FYB1: variants seen among roughly 807,000 people sequenced by gnomAD.
FYB1 encodes the protein FYN-binding protein 1.
Under a neutral mutation model 94.1 loss-of-function variants are expected in FYB1, and 41 were observed. The ratio of observed to expected loss-of-function variants is 0.44; its 90% confidence interval spans 0.34 to 0.57. The LOEUF is 0.57. Ranked by LOEUF, FYB1 falls within the 20% of genes least tolerant of loss-of-function variation. The pLI is 0.02. For missense variants in FYB1, 1,050 were observed against 976.8 expected (o/e 1.07, Z -1.00); for synonymous variants, 367 against 353.2 (o/e 1.04, Z -0.44).
chr5:39,250,876 G>C (rs1246132951), intron 1 of FYB1: 1 of 152,118 alleles, frequency 6.6e-6, no homozygotes, highest in Non-Finnish European at 1.5e-5. Context: ...CTTAAGCTGA[G>C]ATTTTATGCA....
chr5:39,174,645 G>A (rs1745552519), intron 2 of FYB1, among the ~76,000 whole-genome samples: 1 of 152,130 alleles, frequency 6.6e-6, no homozygotes, highest in African/African-American at 2.4e-5. Context: ...TTAAAAACAT[G>A]AGCTCCCGGA....
At chr5:39,253,130 A>G (rs1004597376) in intron 1 of FYB1, among the ~76,000 whole-genome samples, 1 of 152,216 alleles carries the variant, frequency 6.6e-6, no homozygotes, top group Non-Finnish European at 1.5e-5. Context: ...TATCTAGTCT[A>G]TTAAGCTAAT....
At chr5:39,263,738 A>G (rs1318125316) in intron 1 of FYB1, among the ~76,000 whole-genome samples, 1 of 152,152 alleles carries the variant, frequency 6.6e-6, no homozygotes, top group African/African-American at 2.4e-5. Flanking sequence ...CTTACTTTCT[A>G]ACTTGGATGT....
In FYB1 at chr5:39,267,909, T is replaced by TATATCA. The variant is rs1752499546; in HGVS notation, c.-28+6488_-28+6493dup. On this transcript the variant is annotated intron_variant, in intron 1 of 1. Transcript: ENST00000510188. ...AAAAAATGCTTGTGACAGTCTTGTCTATATCACCATAAGGAAAGAAAAAGA... is the reference window on the plus strand; with the variant it reads ...AAAAAATGCTTGTGACAGTCTTGTCTATATCAATATCACCATAAGGAAAGAAAAAGA... Among the ~76,000 whole-genome samples, 3 of 152,224 alleles carry TATATCA rather than the reference T, an allele frequency of 2.0e-5. No homozygotes were observed. In the South Asian group the frequency reaches 6.2e-4, roughly 32 times the overall value.
intron 1 of FYB1, among the ~76,000 whole-genome samples, chr5:39,271,175 A>T (rs1445628694): frequency 6.6e-6 from 1 of 152,162 alleles, no homozygotes; most frequent in Non-Finnish European, 1.5e-5. Flanking sequence ...ATTTAAATTC[A>T]TATTACCAGT....
intron 2 of FYB1, among the ~76,000 whole-genome samples, chr5:39,172,230 G>T (rs1221859824): frequency 6.6e-6 from 1 of 152,136 alleles, no homozygotes; most frequent in African/African-American, 2.4e-5. Flanking sequence ...TGGATCACTT[G>T]AGCTCAGGAG....
chr5:39,201,896 T>C lies in FYB1; in HGVS notation c.1065A>G (p.Pro355=). The part of the protein sequence containing the change: ...KPLPPLFTLG[P]PPPKPNRPPN... ...GTGGTCTGTTGGGTTTTGGTGGAGGTGGACCCAAGGTAAACAAGGGAGGCA... is the reference window on the plus strand; with the variant it reads ...GTGGTCTGTTGGGTTTTGGTGGAGGCGGACCCAAGGTAAACAAGGGAGGCA... Residue 355 remains proline (P), a synonymous_variant, in exon 2 of 19, where the codon CCA becomes CCG. Transcript: ENST00000512982. 1 of 1,613,930 alleles carries C rather than the reference T, an allele frequency of 6.2e-7. No homozygotes were observed. The highest frequency in any genetic ancestry group is 8.5e-7 in the Non-Finnish European group (1 of 1,179,862).
At chr5:39,272,163 G>A (rs946828987) in intron 1 of FYB1, among the ~76,000 whole-genome samples, 1 of 152,070 alleles carries the variant, frequency 6.6e-6, no homozygotes, top group Admixed American at 6.5e-5. Flanking sequence ...TTGAAACTCA[G>A]GCATCAGTGT....
At chr5:39,124,858 C>G (rs544202944) in intron 12 of FYB1, among the ~76,000 whole-genome samples, 1 of 151,516 alleles carries the variant, frequency 6.6e-6, no homozygotes, top group African/African-American at 2.4e-5. Context: ...TGGCATTTGG[C>G]TGCAACAGAA....
chr5:39,134,187 A>G (rs761721746), intron 9 of FYB1, 21 bp downstream of exon 9: 1 of 1,589,632 alleles, frequency 6.3e-7, no homozygotes, highest in Non-Finnish European at 8.6e-7. Context: ...GATCTGTTCT[A>G]CAATACGTAC....
chr5:39,185,522 A>AT (rs1300109610), intron 2 of FYB1, among the ~76,000 whole-genome samples: 91 of 137,060 alleles, frequency 6.6e-4, no homozygotes, highest in African/African-American at 2.4e-3. Context: ...TGACTAAAAA[A>AT]AAAATATATA....
Position 39,141,419 on chromosome 5 carries a change from T to A in FYB1, c.1293-278A>T, listed in dbSNP as rs66657445. Among the ~76,000 whole-genome samples, 39,775 of 152,054 alleles carry A rather than the reference T, an allele frequency of 0.26. 5,594 individuals carry two copies. Among genetic ancestry groups the A allele is most frequent in the African/African-American group, 0.37 (15,401 of 41,450 alleles). On this transcript the variant is annotated intron_variant, in intron 3 of 18. Coordinates refer to ENST00000512982, the MANE Select transcript of FYB1 (RefSeq NM_001465.6). The stretch of plus-strand genomic sequence containing the variant: ...CTGGAGGGTAATATGTTTCCCATTA[T>A]ATTAGTAGTAAATCAACACTTCAAT...
chr5:39,191,009 A>G (rs1393240692), intron 2 of FYB1, among the ~76,000 whole-genome samples: 1 of 152,160 alleles, frequency 6.6e-6, no homozygotes, highest in Non-Finnish European at 1.5e-5. Flanking sequence ...AACAAACACT[A>G]AGGGAGATTC....
chr5:39,121,727 A>G (rs1048638292), intron 14 of FYB1, among the ~76,000 whole-genome samples: 1 of 152,154 alleles, frequency 6.6e-6, no homozygotes, highest in Admixed American at 6.6e-5. Context: ...CTTTTGTATT[A>G]CTTGATCTGA....
At chr5:39,168,415 C>CT (rs1040435644) in intron 2 of FYB1, among the ~76,000 whole-genome samples, 3 of 151,892 alleles carry the variant, frequency 2.0e-5, no homozygotes, top group Non-Finnish European at 4.4e-5. Context: ...CTTCCATTAA[C>CT]TTTTTTTTAG....
chr5:39,153,563 G>T lies in FYB1; in HGVS notation c.1177C>A (p.Pro393Thr). The change falls in exon 3 of 19, where the codon CCA (proline) becomes ACA (threonine). Residue 393 changes from proline (P) to threonine (T), a missense_variant. Physicochemically the swap from Pro to Thr is conservative, Grantham distance 38. Transcript: ENST00000512982. ...GQTSYSTTSLPPPPPSHPASQ... is the reference protein window; with the variant it reads ...GQTSYSTTSLTPPPPSHPASQ... ...GCCGGATGGGATGGTGGAGGTGGTGGCAGGGAAGTTGTTGAGTAAGACGTC... is the reference window on the plus strand; with the variant it reads ...GCCGGATGGGATGGTGGAGGTGGTGTCAGGGAAGTTGTTGAGTAAGACGTC... 1 of 1,613,834 alleles carries T rather than the reference G, an allele frequency of 6.2e-7. No homozygotes were observed. The highest frequency in any genetic ancestry group is 8.5e-7 in the Non-Finnish European group (1 of 1,179,832).
intron 2 of FYB1, among the ~76,000 whole-genome samples, chr5:39,194,970 C>T (rs1034023574): frequency 1.3e-5 from 2 of 152,136 alleles, no homozygotes; most frequent in Non-Finnish European, 2.9e-5. Context: ...ACAAAGTGTG[C>T]ACCAGGTCCT....
intron 1 of FYB1, among the ~76,000 whole-genome samples, chr5:39,218,411 A>G (rs1313920043): frequency 1.3e-5 from 2 of 152,106 alleles, no homozygotes; most frequent in Non-Finnish European, 2.9e-5. Context: ...GTTTTACTCT[A>G]CCTAAAACCT....
At chr5:39,218,201 A>G (rs967602682) in intron 1 of FYB1, among the ~76,000 whole-genome samples, 6 of 152,180 alleles carry the variant, frequency 3.9e-5, no homozygotes, top group Admixed American at 1.3e-4. Context: ...TTTGAAACGG[A>G]TGGTCAACTT....
Sources: gnomAD v4.1 joint callset for allele counts (sites outside exome capture counted in the v4.1 genomes callset) on GRCh38, gnomAD v4.1.1 for gene constraint, MANE v1.5 for transcripts, NCBI Gene and HGNC (gene_info 2026-07-23, HGNC 2026-07-21) for gene names.